CAB39L: variants seen among roughly 807,000 people sequenced by gnomAD.
The protein encoded by CAB39L is calcium-binding protein 39-like.
In CAB39L, 23 loss-of-function variants were observed where a neutral mutation model predicts 39.1. The observed-to-expected ratio is 0.59, with a 90% CI of 0.42 to 0.83. The LOEUF (loss-of-function observed/expected upper bound fraction) is 0.83, where lower values mean the gene tolerates loss of function less well. Ranked by LOEUF, CAB39L falls within the 40% of genes least tolerant of loss-of-function variation. The pLI, the probability that CAB39L is intolerant of heterozygous loss-of-function variation, is 0.00. For missense variants in CAB39L, 366 were observed against 391.9 expected (o/e 0.93, Z 0.56); for synonymous variants, 126 against 137.2 (o/e 0.92, Z 0.57).
intron 1 of CAB39L, among the ~76,000 whole-genome samples, chr13:49,434,445 T>G (rs1044832247): frequency 1.3e-5 from 2 of 152,300 alleles, no homozygotes; most frequent in East Asian, 3.9e-4. Flanking sequence ...ACAAACTCTA[T>G]TATGTTAGCT....
At chr13:49,430,192 T>C (rs1957299479) in intron 3 of CAB39L, among the ~76,000 whole-genome samples, 1 of 152,220 alleles carries the variant, frequency 6.6e-6, no homozygotes, top group Non-Finnish European at 1.5e-5. Context: ...AGTTGCACAA[T>C]TCAAAAATTG....
chr13:49,325,163 A>G (rs1268475013), intron 10 of CAB39L, among the ~76,000 whole-genome samples: 1 of 152,240 alleles, frequency 6.6e-6, no homozygotes, highest in Non-Finnish European at 1.5e-5. Context: ...ATTTTTAAAG[A>G]AAGTCTTTTT....
intron 4 of CAB39L, among the ~76,000 whole-genome samples, chr13:49,381,013 T>C (rs4942822): frequency 0.55 from 83,000 of 152,160 alleles, 24,054 homozygotes; most frequent in African/African-American, 0.72. Flanking sequence ...CTGCAACCTC[T>C]GCCTCCTGCG....
chr13:49,314,488 C>T (rs1019520737), intron 10 of CAB39L, among the ~76,000 whole-genome samples: 11 of 152,062 alleles, frequency 7.2e-5, no homozygotes, highest in African/African-American at 1.9e-4. Flanking sequence ...ACTGTACACA[C>T]GACCGTGGGC....
intron 3 of CAB39L, among the ~76,000 whole-genome samples, chr13:49,406,316 C>T (rs1265792968): frequency 1.0e-4 from 15 of 150,096 alleles, no homozygotes; most frequent in Admixed American, 2.0e-4. Flanking sequence ...TACAGGCATC[C>T]GCCACCATGC....
intron 5 of CAB39L, among the ~76,000 whole-genome samples, 198 bp from the exon 6 acceptor site, chr13:49,360,030 G>C (rs1955590515): frequency 6.6e-6 from 1 of 152,124 alleles, no homozygotes; most frequent in African/African-American, 2.4e-5. Flanking sequence ...AATGGATGCA[G>C]CTCCTTGCCA....
chr13:49,387,106 C>T (rs776414687), intron 3 of CAB39L, among the ~76,000 whole-genome samples: 11 of 152,176 alleles, frequency 7.2e-5, no homozygotes, highest in Non-Finnish European at 1.5e-4. Context: ...TCACCCCCTT[C>T]TAGGTGTCAC....
At chr13:49,378,696 C>T (rs1399316916) in intron 4 of CAB39L, among the ~76,000 whole-genome samples, 3 of 58,442 alleles carry the variant, frequency 5.1e-5, no homozygotes, top group African/African-American at 1.1e-4. Flanking sequence ...AGCCAGCCGC[C>T]CCGTCCGGGA....
chr13:49,340,201 C>T (rs1361694914), intron 8 of CAB39L, among the ~76,000 whole-genome samples: 1 of 152,182 alleles, frequency 6.6e-6, no homozygotes, highest in East Asian at 1.9e-4. Context: ...GCATGACGGC[C>T]CAACTAGTCT....
chr13:49,316,228 G>A (rs903861196), intron 10 of CAB39L, among the ~76,000 whole-genome samples: 1 of 152,100 alleles, frequency 6.6e-6, no homozygotes, highest in Non-Finnish European at 1.5e-5. Flanking sequence ...TAAAAAATTA[G>A]ATAACCTAGA....
At chr13:49,328,198 T>A (rs1390316142) in intron 10 of CAB39L, among the ~76,000 whole-genome samples, 1 of 152,232 alleles carries the variant, frequency 6.6e-6, no homozygotes, top group African/African-American at 2.4e-5. Context: ...TTCTCCAAAG[T>A]GATTACACCA....
In CAB39L at chr13:49,308,668, TAGTC is replaced by T. The variant is rs1446726620; in HGVS notation, c.*2142_*2145del. The T allele has an allele frequency of 6.6e-6, 1 of 152,668 alleles. No homozygotes were observed. Among genetic ancestry groups the T allele is most frequent in the Non-Finnish European group, 1.5e-5 (1 of 68,042 alleles). The allele number at this position is 152,668 out of a possible 1,614,324, so 9.5% of individuals were successfully genotyped here. ...CAAGAAGTGTGTGGTACCTTTTATT[TAGTC>T]AGTCTTCATTTAAATGTGTGCTTTT... On this transcript the variant is annotated 3_prime_UTR_variant, in exon 11 of 11. Transcript: ENST00000409308.
intron 1 of CAB39L, among the ~76,000 whole-genome samples, chr13:49,438,506 C>T (rs1455125942): frequency 6.6e-6 from 1 of 152,126 alleles, no homozygotes; most frequent in Non-Finnish European, 1.5e-5. Context: ...ACAATTATAG[C>T]CATTTTCCTT....
chr13:49,414,522 T>C (rs1437317306), intron 3 of CAB39L, among the ~76,000 whole-genome samples: 1 of 152,160 alleles, frequency 6.6e-6, no homozygotes, highest in Non-Finnish European at 1.5e-5. Flanking sequence ...GAATAAATTA[T>C]GTTATGCTAC....
intron 3 of CAB39L, among the ~76,000 whole-genome samples, chr13:49,391,801 G>A (rs1043675400): frequency 2.0e-5 from 3 of 151,796 alleles, no homozygotes; most frequent in Non-Finnish European, 4.4e-5. Flanking sequence ...GCAAAAATCA[G>A]GAATGAAAAG....
intron 3 of CAB39L, among the ~76,000 whole-genome samples, chr13:49,405,675 A>T (rs997341049): frequency 2.1e-5 from 3 of 145,720 alleles, no homozygotes; most frequent in African/African-American, 7.5e-5. Flanking sequence ...AGCCTGGGTG[A>T]CAGAGCAAGA....
chr13:49,348,770 C>A (rs1955254804), intron 7 of CAB39L, among the ~76,000 whole-genome samples: 2 of 152,178 alleles, frequency 1.3e-5, no homozygotes, highest in Admixed American at 1.3e-4. Flanking sequence ...CCAGAGATGG[C>A]CTGGTTGCCT....
chr13:49,377,087 A>G lies in CAB39L; in HGVS notation c.156T>C (p.Ile52=). ...VSKSLQAMKE[I]LCGTNEKEPP... ...GTTCTTTCTCGTTTGTACCACACAG[A>G]ATTTCTTTCATTGCTTGCAGTGATT... is the stretch of plus-strand genomic sequence containing the variant. Residue 52 remains isoleucine (I), a synonymous_variant, in exon 5 of 11, where the codon ATT becomes ATC. Transcript: ENST00000409308. The G allele has an allele frequency of 6.2e-7, 1 of 1,613,568 alleles. No homozygotes were observed. The highest frequency in any genetic ancestry group is 1.1e-5 in the South Asian group (1 of 91,026).
At chr13:49,440,045 T>C (rs1365632394) in intron 1 of CAB39L, among the ~76,000 whole-genome samples, 2 of 151,814 alleles carry the variant, frequency 1.3e-5, no homozygotes, top group South Asian at 2.1e-4. Flanking sequence ...GTTTGCTCTG[T>C]TAATAGTTTC....
Sources: gnomAD v4.1 joint callset for allele counts (sites outside exome capture counted in the v4.1 genomes callset) on GRCh38, gnomAD v4.1.1 for gene constraint, MANE v1.5 for transcripts, NCBI Gene and HGNC (gene_info 2026-07-23, HGNC 2026-07-21) for gene names.